The following MOK variants were observed in gnomAD, a reference collection of about 807,000 sequenced individuals.
MOK encodes MOK protein kinase, also known as MAPK/MAK/MRK overlapping kinase.
Under a neutral mutation model 54.2 loss-of-function variants are expected in MOK, and 59 were observed. The observed-to-expected ratio is 1.09, with a 90% CI of 0.88 to 1.35. The LOEUF is 1.35. MOK is among the 40% of genes most tolerant of loss of function. MOK has a pLI of 0.00. For synonymous variants in MOK, 210 were observed against 202.7 expected (o/e 1.04, Z -0.31); for missense variants, 517 against 526.2 (o/e 0.98, Z 0.17).
chr14:102,262,399 C>G (rs910383484), intron 4 of MOK, among the ~76,000 whole-genome samples: 1 of 152,218 alleles, frequency 6.6e-6, no homozygotes, highest in Non-Finnish European at 1.5e-5. Context: ...CTGATCCACC[C>G]GCACTGGCGT....
At chr14:102,274,390 G>A (rs183950015) in intron 2 of MOK, among the ~76,000 whole-genome samples, 99 of 151,138 alleles carry the variant, frequency 6.6e-4, no homozygotes, top group African/African-American at 2.4e-3. Flanking sequence ...AAGCAGCTGC[G>A]ACTACAGGTG....
chr14:102,293,591 G>A (rs1267442077), intron 1 of MOK, among the ~76,000 whole-genome samples: 4 of 150,826 alleles, frequency 2.7e-5, no homozygotes, highest in African/African-American at 7.3e-5. Context: ...CCAGCTACTC[G>A]GGAGGCTGAG....
At chr14:102,253,299 A>T (rs1346391190) in intron 4 of MOK, among the ~76,000 whole-genome samples, 1 of 152,258 alleles carries the variant, frequency 6.6e-6, no homozygotes, top group African/African-American at 2.4e-5. Flanking sequence ...CAGCTCTGTG[A>T]ACATTCAGAG....
chr14:102,254,373 A>C (rs1332629670), intron 4 of MOK, among the ~76,000 whole-genome samples: 2 of 152,250 alleles, frequency 1.3e-5, no homozygotes, highest in African/African-American at 4.8e-5. Flanking sequence ...AATCAAAAGA[A>C]TCAAAAGTAA....
intron 2 of MOK, among the ~76,000 whole-genome samples, chr14:102,276,132 A>C (rs2068839657): frequency 6.6e-6 from 1 of 152,152 alleles, no homozygotes; most frequent in South Asian, 2.1e-4. Context: ...GAATAACAAC[A>C]TCAAATGCCG....
At chr14:102,258,153 T>C (rs1236466199) in intron 4 of MOK, among the ~76,000 whole-genome samples, 2 of 152,228 alleles carry the variant, frequency 1.3e-5, no homozygotes, top group African/African-American at 4.8e-5. Flanking sequence ...TTGGAAACAC[T>C]GGTCTAAACA....
Position 102,232,772 on chromosome 14 carries a change from G to A in MOK, c.693-64C>T. ...TCACTGAGCGCACCGGTGGTCCACTGTCACAACTAAGGGCCCTGTGTGGTG... is the reference window on the plus strand; with the variant it reads ...TCACTGAGCGCACCGGTGGTCCACTATCACAACTAAGGGCCCTGTGTGGTG... On this transcript the variant is annotated intron_variant, in intron 8 of 11. Transcript: ENST00000361847. This position sits in a 1 kb window ranked among gnomAD's most constrained non-coding sequence, Gnocchi z 5.1. 6.9e-7 allele frequency: 1 copy of A among 1,456,974 alleles called. No homozygotes were observed. Among genetic ancestry groups the A allele is most frequent in the Non-Finnish European group, 9.5e-7 (1 of 1,055,602 alleles). 90.3% of individuals were successfully genotyped at this position (1,456,974 alleles called of 1,614,324 possible). A position where few individuals can be genotyped will look rare whatever the true frequency, so the allele number is the denominator to read the frequency against.
Position 102,232,810 on chromosome 14 carries a change from T to A in MOK, c.693-102A>T. On this transcript the variant is annotated intron_variant, in intron 8 of 11. Coordinates refer to ENST00000361847, the MANE Select transcript of MOK (RefSeq NM_014226.3). The surrounding 1 kb of genome is among the most constrained non-coding windows in gnomAD (Gnocchi z 5.1). ...GCCCTGTGTGGTGGGGAATGGTTTA[T>A]GACTGCAGAGTCTACACCTGTCCCA... 1 of 1,080,316 alleles carries A rather than the reference T, an allele frequency of 9.3e-7. No individual in the cohort carries two copies. The highest frequency in any genetic ancestry group is 2.5e-5 in the East Asian group (1 of 39,748). The allele number at this position is 1,080,316 out of a possible 1,614,324, so 66.9% of individuals were successfully genotyped here. A position where few individuals can be genotyped will look rare whatever the true frequency, so the allele number is the denominator to read the frequency against.
rs1325737231 is a variant in MOK, at chr14:102,281,536, C to A, written c.122+1942G>T. Among the ~76,000 whole-genome samples the A allele has an allele frequency of 2.7e-5, 4 of 149,682 alleles. No homozygotes were observed. In the East Asian group the frequency reaches 5.8e-4, roughly 22 times the overall value. On this transcript the variant is annotated intron_variant, in intron 2 of 11. Transcript: ENST00000361847. ...AAAAAAGAAAAAAAAAAGCATCACA[C>A]CCTACTGTTCAAAATCCTGTACTGG... is the stretch of plus-strand genomic sequence containing the variant.
rs1351792979 is a variant in MOK, at chr14:102,245,713, G to C, written c.590+5099C>G. On this transcript the variant is annotated intron_variant, in intron 7 of 11. Coordinates refer to ENST00000361847, the MANE Select transcript of MOK (RefSeq NM_014226.3). The surrounding 1 kb of genome is among the most constrained non-coding windows in gnomAD (Gnocchi z 4.3). ...CGCCTGCACCCAGGTGAAATAAATA[G>C]CCTTGTTGCTCACACAAAGCCTGTT... is the stretch of plus-strand genomic sequence containing the variant. Among the ~76,000 whole-genome samples the C allele has an allele frequency of 2.0e-5, 3 of 152,026 alleles. No homozygotes were observed. Among genetic ancestry groups the C allele is most frequent in the Admixed American group, 2.0e-4 (3 of 15,256 alleles).
At chr14:102,219,482 G>A in the MOK span, among the ~76,000 whole-genome samples, 1 of 152,246 alleles carries the variant, frequency 6.6e-6, no homozygotes, top group African/African-American at 2.4e-5. Context: ...TCCAGGGCTT[G>A]TGCCTGCAGG....
intron 7 of MOK, among the ~76,000 whole-genome samples, chr14:102,239,399 T>C (rs2065503952): frequency 6.6e-6 from 1 of 152,082 alleles, no homozygotes; most frequent in Non-Finnish European, 1.5e-5. Flanking sequence ...CAGGCCTCCT[T>C]CTGAGACCCT....
downstream of MOK, chr14:102,226,464 C>T (rs915018346): frequency 5.3e-5 from 37 of 701,992 alleles, no homozygotes; most frequent in African/African-American, 5.1e-4. This position sits in a 1 kb window ranked among gnomAD's most constrained non-coding sequence, Gnocchi z 4.8. Context: ...GGAAATAATC[C>T]GGCCAGCCAG....
chr14:102,305,087 T>C lies in MOK; in HGVS notation c.-119A>G. On this transcript the variant is annotated 5_prime_UTR_variant, in exon 1 of 12. Coordinates refer to ENST00000361847, the MANE Select transcript of MOK (RefSeq NM_014226.3). ...GCGGGGTCCCGCACTAGGATCTCCG[T>C]GGTGGTCCCTCGAAGGAGAGCGTTA... 1 of 1,213,154 alleles carries C rather than the reference T, an allele frequency of 8.2e-7. No homozygotes were observed. Among genetic ancestry groups the C allele is most frequent in the Non-Finnish European group, 1.2e-6 (1 of 839,036 alleles). 75.1% of individuals were successfully genotyped at this position (1,213,154 alleles called of 1,614,324 possible). A position where few individuals can be genotyped will look rare whatever the true frequency, so the allele number is the denominator to read the frequency against.
At chr14:102,299,208 A>G (rs2071855838) in intron 1 of MOK, among the ~76,000 whole-genome samples, 1 of 152,152 alleles carries the variant, frequency 6.6e-6, no homozygotes, top group African/African-American at 2.4e-5. Flanking sequence ...TAATTACAAC[A>G]GATACTTTTA....
chr14:102,222,270 T>A (rs2153071853), downstream of MOK, among the ~76,000 whole-genome samples: 1 of 152,284 alleles, frequency 6.6e-6, no homozygotes, highest in South Asian at 2.1e-4. This position sits in a 1 kb window ranked among gnomAD's most constrained non-coding sequence, Gnocchi z 4.4. Flanking sequence ...GGCCCTGCTG[T>A]CTCTACCTGT....
intron 1 of MOK, among the ~76,000 whole-genome samples, chr14:102,300,081 T>C (rs1010016505): frequency 6.6e-6 from 1 of 151,968 alleles, no homozygotes; most frequent in Non-Finnish European, 1.5e-5. Context: ...CCCAGCACTT[T>C]GGGAGGCCAA....
chr14:102,218,713 GC>G, the MOK span, among the ~76,000 whole-genome samples: 1 of 152,022 alleles, frequency 6.6e-6, no homozygotes, highest in Middle Eastern at 3.4e-3. Flanking sequence ...GGGGAGCCAA[GC>G]AGCTGACTAA....
intron 1 of MOK, among the ~76,000 whole-genome samples, chr14:102,303,662 T>G (rs1289469014): frequency 6.6e-6 from 1 of 152,210 alleles, no homozygotes; most frequent in Non-Finnish European, 1.5e-5. Context: ...ATTTGTACTG[T>G]GATGATGTAG....
Sources: allele counts gnomAD v4.1 joint callset (sites outside exome capture counted in the v4.1 genomes callset), GRCh38; gene constraint gnomAD v4.1.1; non-coding constraint Gnocchi (gnomAD v3.1); transcripts MANE v1.5; gene names NCBI Gene and HGNC (gene_info 2026-07-23, HGNC 2026-07-21).